The following EEA1 variants were observed in gnomAD, a reference collection of about 807,000 sequenced individuals.
EEA1 encodes the protein early endosome antigen 1, 162kD.
A neutral mutation model predicts 209.2 loss-of-function variants in EEA1; 111 were observed. The observed-to-expected ratio is 0.53, with a 90% CI of 0.45 to 0.62. The LOEUF (loss-of-function observed/expected upper bound fraction) is 0.62. Ranked by LOEUF, EEA1 falls within the 20% of genes least tolerant of loss-of-function variation. EEA1 has a pLI of 0.00. For synonymous variants in EEA1, 536 were observed against 540.6 expected (o/e 0.99, Z 0.12); for missense variants, 1,343 against 1,530.8 (o/e 0.88, Z 2.05).
intron 2 of EEA1, among the ~76,000 whole-genome samples, chr12:92,868,163 T>C (rs970926493): frequency 6.6e-6 from 1 of 152,172 alleles, no homozygotes; most frequent in Admixed American, 6.6e-5. Context: ...AATACAGTAA[T>C]GCCATTAGGC....
intron 3 of EEA1, among the ~76,000 whole-genome samples, chr12:92,864,199 G>C (rs1878272849): frequency 6.6e-6 from 1 of 151,940 alleles, no homozygotes; most frequent in Non-Finnish European, 1.5e-5. Flanking sequence ...AGTATTCTTT[G>C]TGTTACAGCA....
In EEA1 at chr12:92,770,898, T is replaced by A. The variant is rs1873397023; in HGVS notation, c.*5113A>T. On this transcript the variant is annotated 3_prime_UTR_variant, in exon 29 of 29. Transcript: ENST00000322349. ...TGGCTTTTCTTGGCCTGTTGTGAAG[T>A]GTACAGATTTTCATAGACATAGTAA... The A allele has an allele frequency of 6.6e-6, 1 of 152,118 alleles. No homozygotes were observed. Among genetic ancestry groups the A allele is most frequent in the Non-Finnish European group, 1.5e-5 (1 of 67,980 alleles). The allele number at this position is 152,118 out of a possible 1,614,324, so 9.4% of individuals were successfully genotyped here. A position where few individuals can be genotyped will look rare whatever the true frequency, so the allele number is the denominator to read the frequency against.
intron 2 of EEA1, among the ~76,000 whole-genome samples, chr12:92,869,175 A>G (rs1204726550): frequency 6.6e-6 from 1 of 152,180 alleles, no homozygotes; most frequent in African/African-American, 2.4e-5. Flanking sequence ...AATGATGTCC[A>G]AGGGGATCGA....
intron 1 of EEA1, among the ~76,000 whole-genome samples, chr12:92,925,748 T>C (rs930303325): frequency 6.6e-6 from 1 of 152,156 alleles, no homozygotes; most frequent in Non-Finnish European, 1.5e-5. Flanking sequence ...AGAAACACCT[T>C]AGTAAGCTAA....
At position 92,772,084 on chromosome 12, in the gene EEA1, C is replaced by T. The variant is rs557794693; in HGVS notation, c.*3927G>A. The T allele has an allele frequency of 1.3e-5, 2 of 151,274 alleles. No homozygotes were observed. Among genetic ancestry groups the T allele is most frequent in the African/African-American group, 4.8e-5 (2 of 41,262 alleles). The allele number at this position is 151,274 out of a possible 1,614,324, so 9.4% of individuals were successfully genotyped here. On this transcript the variant is annotated 3_prime_UTR_variant, in exon 29 of 29. Coordinates refer to ENST00000322349, the MANE Select transcript of EEA1 (RefSeq NM_003566.4). Reference sequence around the variant, plus strand: ...CAAAAACCATTCTAGAACCGTGGCTCCCAGGAAGAAAAAATAGCAAAAAAC... The same window carrying T: ...CAAAAACCATTCTAGAACCGTGGCTTCCAGGAAGAAAAAATAGCAAAAAAC...
At chr12:92,874,070 T>C (rs1442946166) in intron 2 of EEA1, among the ~76,000 whole-genome samples, 1 of 152,002 alleles carries the variant, frequency 6.6e-6, no homozygotes, top group Non-Finnish European at 1.5e-5. Context: ...GCCAGCACTT[T>C]GGGAGGCTAA....
At chr12:92,905,134 A>T (rs1880318501) in intron 1 of EEA1, among the ~76,000 whole-genome samples, 1 of 152,170 alleles carries the variant, frequency 6.6e-6, no homozygotes, top group African/African-American at 2.4e-5. Flanking sequence ...CTTATTATGA[A>T]TGACAAATGA....
chr12:92,902,759 G>A (rs866545457), intron 1 of EEA1, among the ~76,000 whole-genome samples: 12 of 107,584 alleles, frequency 1.1e-4, no homozygotes, highest in South Asian at 2.8e-4. Flanking sequence ...AAAAAAAAAA[G>A]GCTGTAAATC....
chr12:92,791,325 T>A (rs1211331607), intron 21 of EEA1, among the ~76,000 whole-genome samples: 7 of 152,110 alleles, frequency 4.6e-5, no homozygotes, highest in Non-Finnish European at 8.8e-5. Context: ...AGACACAGAC[T>A]GGCAAATTGG....
intron 22 of EEA1, among the ~76,000 whole-genome samples, chr12:92,784,331 G>C (rs1874035808): frequency 6.6e-6 from 1 of 152,114 alleles, no homozygotes; most frequent in Non-Finnish European, 1.5e-5. Context: ...TTTACAGAAG[G>C]CTCTATACCA....
chr12:92,846,574 ATAAGT>A (rs762005427), intron 9 of EEA1, among the ~76,000 whole-genome samples: 11 of 152,234 alleles, frequency 7.2e-5, no homozygotes, highest in Non-Finnish European at 1.6e-4. Flanking sequence ...TACACCAAAT[ATAAGT>A]TGATTACAGC....
chr12:92,886,953 C>T (rs1879436207), intron 2 of EEA1, among the ~76,000 whole-genome samples: 3 of 150,464 alleles, frequency 2.0e-5, no homozygotes, highest in South Asian at 4.2e-4. Flanking sequence ...AGCCGAGATC[C>T]GCACCACTGC....
At chr12:92,928,291 A>G (rs539719716) in intron 1 of EEA1, among the ~76,000 whole-genome samples, 5 of 152,270 alleles carry the variant, frequency 3.3e-5, no homozygotes, top group East Asian at 1.9e-4. Context: ...TAATCTTTCT[A>G]TCCTCAAGGT....
At chr12:92,902,461 G>A (rs781290270) in intron 1 of EEA1, among the ~76,000 whole-genome samples, 4 of 152,122 alleles carry the variant, frequency 2.6e-5, no homozygotes, top group Non-Finnish European at 4.4e-5. Context: ...CTGTAAATCC[G>A]GCCGGGTGCG....
chr12:92,781,638 C>T (rs1318317537), intron 23 of EEA1, among the ~76,000 whole-genome samples: 1 of 152,040 alleles, frequency 6.6e-6, no homozygotes, highest in Non-Finnish European at 1.5e-5. Context: ...AAGGATAATA[C>T]GTTATATGAG....
chr12:92,800,284 C>T (rs950717543), intron 20 of EEA1, among the ~76,000 whole-genome samples: 5 of 150,982 alleles, frequency 3.3e-5, no homozygotes, highest in Admixed American at 6.6e-5. Flanking sequence ...GCATATTTTA[C>T]TACTACCTTG....
intron 21 of EEA1, among the ~76,000 whole-genome samples, chr12:92,788,670 G>A (rs115452349): frequency 6.6e-6 from 1 of 152,092 alleles, no homozygotes; most frequent in African/African-American, 2.4e-5. Context: ...ATAGGTATTT[G>A]ACTTTCAAAA....
chr12:92,878,326 T>C (rs937302404), intron 2 of EEA1, among the ~76,000 whole-genome samples: 15 of 152,094 alleles, frequency 9.9e-5, no homozygotes, highest in African/African-American at 3.6e-4. Context: ...ACTGAAGATA[T>C]ATCTGGGGGC....
chr12:92,779,532 G>GGAGAAAAAAA (rs1873811355), intron 24 of EEA1, among the ~76,000 whole-genome samples: 1 of 151,630 alleles, frequency 6.6e-6, no homozygotes, highest in African/African-American at 2.4e-5. Context: ...TTGATTATGT[G>GGAGAAAAAAA]GAGAAAAAAA....
Sources: allele counts gnomAD v4.1 joint callset (sites outside exome capture counted in the v4.1 genomes callset), GRCh38; gene constraint gnomAD v4.1.1; transcripts MANE v1.5; gene names NCBI Gene and HGNC (gene_info 2026-07-23, HGNC 2026-07-21).